Variants in HECTD4 observed in about 807,000 individuals in gnomAD.
The protein encoded by HECTD4 is probable E3 ubiquitin-protein ligase HECTD4.
A neutral mutation model predicts 471.5 loss-of-function variants in HECTD4; 114 were observed. The observed-to-expected ratio is 0.24, with a 90% CI of 0.21 to 0.28. HECTD4 has a LOEUF of 0.28. Ranked by LOEUF, HECTD4 falls within the 10% of genes least tolerant of loss-of-function variation. HECTD4 has a pLI of 1.00. For synonymous variants in HECTD4, 2,012 were observed against 2,256.0 expected, an observed-to-expected ratio of 0.89 and a Z score of 3.07; for missense variants, 3,866 against 5,651.5, an observed-to-expected ratio of 0.68 and a Z score of 10.13.
chr12:112,284,614 C>A (rs961267445), intron 7 of HECTD4, among the ~76,000 whole-genome samples: 1 of 152,176 alleles, frequency 6.6e-6, no homozygotes, highest in East Asian at 1.9e-4. Flanking sequence ...AATGCTGTTT[C>A]TATTTCCCCA....
intron 37 of HECTD4, 129 bp from the exon 38 acceptor site, chr12:112,233,214 C>CTTTTTT (rs546999938): frequency 1.5e-4 from 35 of 235,724 alleles, no homozygotes; most frequent in African/African-American, 3.4e-4. Flanking sequence ...CTAACATTAG[C>CTTTTTT]TTTTTTTTTT....
intron 1 of HECTD4, among the ~76,000 whole-genome samples, chr12:112,323,991 T>C (rs1448397397): frequency 2.7e-5 from 1 of 37,640 alleles, no homozygotes; most frequent in Non-Finnish European, 4.1e-5. Flanking sequence ...CCTTCCTTCC[T>C]TCCTTCCTTC....
intron 1 of HECTD4, among the ~76,000 whole-genome samples, chr12:112,329,365 TTTTTG>T (rs1222280202): frequency 2.3e-5 from 3 of 130,690 alleles, no homozygotes; most frequent in African/African-American, 1.1e-4. Context: ...TGTTTTGGGT[TTTTTG>T]TTTTTTTTTT....
At chr12:112,342,595 A>G (rs2036072410) in intron 1 of HECTD4, among the ~76,000 whole-genome samples, 1 of 152,224 alleles carries the variant, frequency 6.6e-6, no homozygotes, top group African/African-American at 2.4e-5. Flanking sequence ...CCTGATCTTA[A>G]TGCTGCTTTT....
At chr12:112,363,992 C>CAAAAAAAAA (rs1175386198) in intron 1 of HECTD4, among the ~76,000 whole-genome samples, 2 of 52,856 alleles carry the variant, frequency 3.8e-5, no homozygotes, top group Non-Finnish European at 3.5e-5. Flanking sequence ...ACTCAATCTC[C>CAAAAAAAAA]AAAAAAAAAA....
chr12:112,237,177 C>A, intron 34 of HECTD4, 79 bp from the exon 35 acceptor site: 1 of 1,303,924 alleles, frequency 7.7e-7, no homozygotes, highest in Non-Finnish European at 1.0e-6. Context: ...GCGGCGAGCC[C>A]TGTCCATTTA....
chr12:112,379,127 C>T (rs574483372), intron 1 of HECTD4, among the ~76,000 whole-genome samples: 1 of 152,154 alleles, frequency 6.6e-6, no homozygotes, highest in South Asian at 2.1e-4. Flanking sequence ...AGAGATTCTT[C>T]CTTCTGTAGC....
chr12:112,212,176 A>C (rs1389954432), intron 49 of HECTD4, among the ~76,000 whole-genome samples: 1 of 152,194 alleles, frequency 6.6e-6, no homozygotes, highest in Non-Finnish European at 1.5e-5. Flanking sequence ...AAATTTACTT[A>C]ATCACATAAT....
intron 7 of HECTD4, among the ~76,000 whole-genome samples, chr12:112,284,369 G>A (rs900582056): frequency 1.3e-4 from 20 of 152,216 alleles, no homozygotes; most frequent in African/African-American, 4.8e-4. Context: ...GCCTGCAGCT[G>A]TGGGGTGTGG....
chr12:112,358,706 A>G (rs987395909), intron 1 of HECTD4, among the ~76,000 whole-genome samples: 3 of 152,172 alleles, frequency 2.0e-5, no homozygotes, highest in African/African-American at 7.2e-5. Context: ...CAAAACATGT[A>G]TCAAGAAAAT....
intron 65 of HECTD4, 134 bp downstream of exon 65, chr12:112,176,462 C>G (rs2031451501): frequency 1.5e-6 from 1 of 645,752 alleles, no homozygotes; most frequent in Non-Finnish European, 2.8e-6. Flanking sequence ...CCCAGGGAAC[C>G]CAGAGCCCAG....
At chr12:112,375,283 T>C (rs1411016387) in intron 1 of HECTD4, among the ~76,000 whole-genome samples, 1 of 152,206 alleles carries the variant, frequency 6.6e-6, no homozygotes, top group Non-Finnish European at 1.5e-5. Context: ...CATTTGTTTA[T>C]CCATTCACCT....
Position 112,170,395 on chromosome 12 carries a change from A to G in HECTD4, c.11990T>C (p.Val3997Ala). 6.2e-7 allele frequency: 1 copy of G among 1,614,004 alleles called. No individual in the cohort carries two copies. The highest frequency in any genetic ancestry group is 8.5e-7 in the Non-Finnish European group (1 of 1,179,902). The change falls in exon 69 of 76, where the codon GTG becomes GCG. Residue 3997 changes from valine to alanine, a missense_variant. By Grantham distance (64) the Val-to-Ala change is moderately conservative. Around this residue, in one of 16 missense-constraint regions of HECTD4, gnomAD observed 715 missense variants for 1,087.6 expected, o/e 0.66. Coordinates refer to ENST00000682272, the MANE Select transcript of HECTD4 (RefSeq NM_001388303.1). ...TVMNRVLNAT[V>A]QRTADHAAPE... ...GGCCGCGTGGTCCGCTGTCCTCTGCACAGTGGCATTCAGCACTCGATTCAT... is the reference window on the plus strand; with the variant it reads ...GGCCGCGTGGTCCGCTGTCCTCTGCGCAGTGGCATTCAGCACTCGATTCAT...
Position 112,226,626 on chromosome 12 carries a change from C to A in HECTD4, c.6970+17G>T, listed in dbSNP as rs769276925. On this transcript the variant is annotated intron_variant, in intron 44 of 75. Coordinates refer to ENST00000682272, the MANE Select transcript of HECTD4 (RefSeq NM_001388303.1). Reference sequence around the variant, plus strand: ...AATTCAATAAAACAGGGTGGTAAGGCAAGTTCAGGTACTCACCAGCACTAC... The same window carrying A: ...AATTCAATAAAACAGGGTGGTAAGGAAAGTTCAGGTACTCACCAGCACTAC... 1.3e-6 allele frequency: 2 copies of A among 1,530,696 alleles called. No homozygotes were observed. Among genetic ancestry groups the A allele is most frequent in the Middle Eastern group, 1.7e-4 (1 of 5,892 alleles). 94.8% of individuals were successfully genotyped at this position (1,530,696 alleles called of 1,614,324 possible). A position where few individuals can be genotyped will look rare whatever the true frequency, so the allele number is the denominator to read the frequency against.
chr12:112,364,471 T>G (rs979093967), intron 1 of HECTD4, among the ~76,000 whole-genome samples: 4 of 151,814 alleles, frequency 2.6e-5, no homozygotes, highest in African/African-American at 9.7e-5. Context: ...AGCTCAGGCT[T>G]GTAATGCCAG....
chr12:112,169,248 G>T (rs963021338), intron 70 of HECTD4, among the ~76,000 whole-genome samples: 4 of 152,180 alleles, frequency 2.6e-5, no homozygotes, highest in African/African-American at 9.7e-5. Flanking sequence ...CCGGGGAGGG[G>T]GCCAATCAGC....
intron 73 of HECTD4, 64 bp downstream of exon 73, chr12:112,164,045 T>C: frequency 7.4e-7 from 1 of 1,357,846 alleles, no homozygotes; most frequent in Non-Finnish European, 9.6e-7. Context: ...CAGATGCTGC[T>C]GTCATACCCT....
chr12:112,190,453 G>A (rs764814451), intron 60 of HECTD4, among the ~76,000 whole-genome samples: 1 of 152,216 alleles, frequency 6.6e-6, no homozygotes, highest in Non-Finnish European at 1.5e-5. Context: ...TTGCAACATT[G>A]TTCATTTCCA....
intron 4 of HECTD4, among the ~76,000 whole-genome samples, chr12:112,311,333 G>A (rs1256255130): frequency 6.6e-6 from 1 of 151,604 alleles, no homozygotes; most frequent in Non-Finnish European, 1.5e-5. Context: ...GCCGTGGCTC[G>A]CACCTACAAT....
Sources: allele counts gnomAD v4.1 joint callset (sites outside exome capture counted in the v4.1 genomes callset), GRCh38; gene constraint gnomAD v4.1.1; regional missense constraint gnomAD v4.1.1; transcripts MANE v1.5; gene names NCBI Gene and HGNC (gene_info 2026-07-23, HGNC 2026-07-21).